Variants in SLC9A3 observed in about 807,000 individuals in gnomAD.
SLC9A3 encodes the protein sodium/hydrogen exchanger 3.
Under a neutral mutation model 86.8 loss-of-function variants are expected in SLC9A3, and 37 were observed. The observed-to-expected ratio is 0.43, with a 90% CI of 0.33 to 0.56. SLC9A3 has a LOEUF of 0.56. Ranked by LOEUF, SLC9A3 falls within the 20% of genes least tolerant of loss-of-function variation. The pLI is 0.06. For missense variants in SLC9A3, 1,011 were observed against 1,171.9 expected (o/e 0.86, Z 2.00); for synonymous variants, 581 against 528.3 (o/e 1.10, Z -1.37).
Position 481,744 on chromosome 5 carries a change from C to T in SLC9A3, c.1447-109G>A, listed in dbSNP as rs6859852. 4.2e-3 allele frequency: 3,969 copies of T among 948,380 alleles called. 114 individuals are homozygous for T. The African/African-American group carries it at 0.061, about 15-fold the overall frequency. 58.7% of individuals were successfully genotyped at this position (948,380 alleles called of 1,614,324 possible). ...AGGAACCCACCAGCCCCCCTCACCA[C>T]GCCCCTGGCCTGGACGCAGCCTCCT... On this transcript the variant is annotated intron_variant, in intron 8 of 16. Transcript: ENST00000264938.
rs139225285 is a variant in SLC9A3 at position 518,655 on chromosome 5, T to G, written c.211+5457A>C. Among the ~76,000 whole-genome samples the G allele has an allele frequency of 4.5e-3, 685 of 152,278 alleles. 6 individuals are homozygous for G. Among genetic ancestry groups the G allele is most frequent in the African/African-American group, 0.016 (658 of 41,566 alleles). On this transcript the variant is annotated intron_variant, in intron 1 of 16. Transcript: ENST00000264938. Reference sequence around the variant, plus strand: ...TCTAAACATGCCCCAGTGCAGCCCCTGGCTCCTGGAGAAGCCGGCAGTGGG... The same window carrying G: ...TCTAAACATGCCCCAGTGCAGCCCCGGGCTCCTGGAGAAGCCGGCAGTGGG...
rs1334260448 is a variant in SLC9A3, at chr5:475,104, G to A, written c.2280C>T (p.Asp760=). The change falls in exon 16 of 17, where the codon GAC becomes GAT. Residue 760 remains aspartate, a synonymous_variant. Coordinates refer to ENST00000264938, the MANE Select transcript of SLC9A3 (RefSeq NM_004174.4). ...AGIDNPVFSP[D]EALDRSLLAR... is the part of the protein sequence containing the mutation. Reference sequence around the variant, plus strand: ...CCAGGAGGCTGCGGTCCAGGGCCTCGTCCGGAGAAAACACAGGGTTGTCAA... The same window carrying A: ...CCAGGAGGCTGCGGTCCAGGGCCTCATCCGGAGAAAACACAGGGTTGTCAA... The A allele has an allele frequency of 3.7e-6, 6 of 1,605,112 alleles. No homozygotes were observed. The highest frequency in any genetic ancestry group is 4.3e-6 in the Non-Finnish European group (5 of 1,175,434).
At chr5:513,733 T>A (rs939549168) in intron 1 of SLC9A3, among the ~76,000 whole-genome samples, 1 of 152,168 alleles carries the variant, frequency 6.6e-6, no homozygotes, top group Non-Finnish European at 1.5e-5. Flanking sequence ...CGGGCCACCC[T>A]CGCCTTCTCC....
At chr5:476,723 CTT>C (rs1560949655) in intron 11 of SLC9A3, 51 bp from the exon 12 acceptor site, 3 of 1,587,566 alleles carry the variant, frequency 1.9e-6, no homozygotes, top group Non-Finnish European at 2.6e-6. Context: ...GGTGGGGTCT[CTT>C]GCGCGCCCCT....
At chr5:498,073 C>CT (rs1740109063) in intron 1 of SLC9A3, among the ~76,000 whole-genome samples, 1 of 152,296 alleles carries the variant, frequency 6.6e-6, no homozygotes, top group Admixed American at 6.5e-5. Flanking sequence ...TCTATCTTAT[C>CT]TTTTTTCTCC....
In SLC9A3 at chr5:475,630, C is replaced by T. The variant is rs753934214; in HGVS notation, c.2182G>A (p.Glu728Lys). ...AACTCGATCCCCCCACTCATCTCCT[C>T]ATCATAGTTGGGGGGCTCCTCGGTG... Reference protein sequence around the residue: ...SDTEEPPNYDEEMSGGIEFLA... With the variant: ...SDTEEPPNYDKEMSGGIEFLA... The change falls in exon 15 of 17, where the codon GAG becomes AAG. Residue 728 changes from glutamate to lysine, a missense_variant. This residue lies in a region of SLC9A3 where 397 missense variants were observed against 346.3 expected (regional missense o/e 1.15). Transcript: ENST00000264938. The T allele has an allele frequency of 1.3e-6, 2 of 1,552,310 alleles. No individual in the cohort carries two copies. The highest frequency in any genetic ancestry group is 2.4e-5 in the East Asian group (1 of 41,120).
chr5:515,531 G>T (rs1733705201), intron 1 of SLC9A3, among the ~76,000 whole-genome samples: 1 of 152,046 alleles, frequency 6.6e-6, no homozygotes, highest in Admixed American at 6.5e-5. Context: ...GGCTTGTAAG[G>T]GCACTCGCCA....
At position 488,396 on chromosome 5, in the gene SLC9A3, C is replaced by T. The variant is rs754485811; in HGVS notation, c.595G>A (p.Val199Met). The change falls in exon 3 of 17, where the codon GTG (valine) becomes ATG (methionine). Residue 199 changes from valine (V) to methionine (M), a missense_variant. Coordinates refer to ENST00000264938, the MANE Select transcript of SLC9A3 (RefSeq NM_004174.4). Reference protein sequence around the residue: ...AAVDPVAVLAVFEEVHVNEVL... With the variant: ...AAVDPVAVLAMFEEVHVNEVL... Reference sequence around the variant, plus strand: ...TCGTTGACATGGACCTCCTCAAACACGGCCAGGACGGCCACCGGGTCCACA... The same window carrying T: ...TCGTTGACATGGACCTCCTCAAACATGGCCAGGACGGCCACCGGGTCCACA... The T allele has an allele frequency of 5.6e-6, 9 of 1,610,496 alleles. No individual in the cohort carries two copies. Among genetic ancestry groups the T allele is most frequent in the Middle Eastern group, 1.6e-4 (1 of 6,078 alleles).
At chr5:508,248 A>T (rs1740704575) in intron 1 of SLC9A3, among the ~76,000 whole-genome samples, 1 of 148,234 alleles carries the variant, frequency 6.7e-6, no homozygotes, top group Non-Finnish European at 1.5e-5. Flanking sequence ...CCAGGGATGG[A>T]GATGCCGCAG....
chr5:483,153 G>A (rs932341211), intron 6 of SLC9A3, 109 bp downstream of exon 6: 2 of 860,004 alleles, frequency 2.3e-6, no homozygotes, highest in South Asian at 1.7e-5. Flanking sequence ...CCTCTGCCTT[G>A]CACGGGGCTG....
At chr5:473,484 C>A in intron 16 of SLC9A3, 102 bp from the exon 17 acceptor site, 2 of 1,027,308 alleles carry the variant, frequency 1.9e-6, no homozygotes, top group Non-Finnish European at 2.5e-6. Flanking sequence ...CGGCTCTCGC[C>A]TCCCCTCCCG....
rs1738301306 is a variant in SLC9A3, at chr5:470,566, G to A, written c.*2813C>T. On this transcript the variant is annotated 3_prime_UTR_variant, in exon 17 of 17. Transcript: ENST00000264938. The stretch of plus-strand genomic sequence containing the variant: ...AGTAATCGTTCAGGATTTCGGTGAT[G>A]GGCCCTCCCTGTCTGGACACTGCCA... The A allele has an allele frequency of 6.6e-6, 1 of 152,338 alleles. No homozygotes were observed. Among genetic ancestry groups the A allele is most frequent in the Non-Finnish European group, 1.5e-5 (1 of 68,046 alleles). The allele number at this position is 152,338 out of a possible 1,614,324, so 9.4% of individuals were successfully genotyped here.
At chr5:522,560 G>A (rs1733914379) in intron 1 of SLC9A3, among the ~76,000 whole-genome samples, 1 of 152,088 alleles carries the variant, frequency 6.6e-6, no homozygotes, top group African/African-American at 2.4e-5. Context: ...TGGAGTTCAA[G>A]ACCAGCCTGA....
intron 1 of SLC9A3, among the ~76,000 whole-genome samples, chr5:494,212 G>A (rs1201747936): frequency 6.6e-6 from 1 of 152,256 alleles, no homozygotes; most frequent in East Asian, 1.9e-4. Flanking sequence ...TGCCCCGACA[G>A]CCCCGTCCTC....
chr5:486,483 T>C (rs145988575), intron 3 of SLC9A3, among the ~76,000 whole-genome samples: 2,088 of 152,354 alleles, frequency 0.014, 13 homozygotes, highest in Non-Finnish European at 0.021. Flanking sequence ...TACTGAGCGC[T>C]GATGTGGCCT....
At chr5:485,318 A>C in intron 3 of SLC9A3, 87 bp from the exon 4 acceptor site, 2 of 1,069,706 alleles carry the variant, frequency 1.9e-6, no homozygotes, top group South Asian at 2.5e-5. Flanking sequence ...ACTTGGCCCG[A>C]GTGTGGAGCC....
intron 1 of SLC9A3, among the ~76,000 whole-genome samples, chr5:502,338 A>G (rs74888139): frequency 0.016 from 2,387 of 152,162 alleles, 57 homozygotes; most frequent in African/African-American, 0.054. Flanking sequence ...ACAGACAGAC[A>G]CAGGCAGGTC....
Position 475,043 on chromosome 5 carries a change from C to T in SLC9A3, c.2341G>A (p.Val781Met). Reference sequence around the variant, plus strand: ...GTGCGGGCCCTCTGCGAGGGGACCACCGTCTCCCCGGGAGACAGCCAGGGC... The same window carrying T: ...GTGCGGGCCCTCTGCGAGGGGACCATCGTCTCCCCGGGAGACAGCCAGGGC... ...LPPWLSPGET[V>M]VPSQRARTQI... Residue 781 changes from valine to methionine, a missense_variant, in exon 16 of 17, where the codon GTG becomes ATG. Val to Met is a conservative substitution (Grantham distance 21, BLOSUM62 1). Transcript: ENST00000264938. 9 of 1,612,286 alleles carry T rather than the reference C, an allele frequency of 5.6e-6. No homozygotes were observed. The highest frequency in any genetic ancestry group is 7.6e-6 in the Non-Finnish European group (9 of 1,179,764).
chr5:493,239 C>T (rs1194148379), intron 1 of SLC9A3, among the ~76,000 whole-genome samples: 8 of 152,250 alleles, frequency 5.3e-5, no homozygotes, highest in Non-Finnish European at 1.5e-5. Flanking sequence ...TTCTTCATTC[C>T]CTCAGCTGCT....
Sources: allele counts gnomAD v4.1 joint callset (sites outside exome capture counted in the v4.1 genomes callset), GRCh38; gene constraint gnomAD v4.1.1; regional missense constraint gnomAD v4.1.1; transcripts MANE v1.5; gene names NCBI Gene and HGNC (gene_info 2026-07-23, HGNC 2026-07-21).